The following NFIB variants were observed in gnomAD, a reference collection of about 807,000 sequenced individuals.
The protein encoded by NFIB is nuclear factor I B.
NFIB carries 11 observed loss-of-function variants against 61.5 expected under a neutral mutation model. The ratio of observed to expected loss-of-function variants is 0.18; its 90% CI spans 0.11 to 0.30. The LOEUF is 0.30. NFIB is among the 10% of genes least tolerant of loss of function. The pLI is 1.00. For synonymous variants in NFIB, 260 were observed against 216.5 expected (o/e 1.20, Z -1.76); for missense variants, 471 against 608.9 (o/e 0.77, Z 2.38).
intron 6 of NFIB, among the ~76,000 whole-genome samples, chr9:14,133,521 T>C (rs1313848367): frequency 1.3e-5 from 2 of 152,110 alleles, no homozygotes; most frequent in African/African-American, 4.8e-5. Context: ...AATCTGACAT[T>C]TTTACTTCAG....
the NFIB span, among the ~76,000 whole-genome samples, chr9:14,406,714 T>A: frequency 6.6e-6 from 1 of 152,206 alleles, no homozygotes; most frequent in Non-Finnish European, 1.5e-5. Context: ...CGGAGGCTGC[T>A]TCCAGTCTTG....
chr9:14,222,564 A>G (rs1156955724), intron 2 of NFIB, among the ~76,000 whole-genome samples: 1 of 152,124 alleles, frequency 6.6e-6, no homozygotes, highest in Admixed American at 6.6e-5. Flanking sequence ...GCACTTTGGG[A>G]GGCCAAAATG....
chr9:14,420,946 T>G, the NFIB span, among the ~76,000 whole-genome samples: 1 of 152,066 alleles, frequency 6.6e-6, no homozygotes, highest in African/African-American at 2.4e-5. Context: ...CCACTGAGAG[T>G]AAGCCATTTT....
intron 10 of NFIB, among the ~76,000 whole-genome samples, chr9:14,093,881 A>G (rs1236103063): frequency 6.6e-6 from 1 of 152,116 alleles, no homozygotes; most frequent in Non-Finnish European, 1.5e-5. Context: ...AGTTGAATCT[A>G]TTTATGTATT....
intron 6 of NFIB, among the ~76,000 whole-genome samples, chr9:14,136,372 T>G (rs1262324624): frequency 1.3e-5 from 2 of 152,142 alleles, no homozygotes; most frequent in African/African-American, 4.8e-5. Flanking sequence ...CTATTCACCA[T>G]GCCTCTCGGG....
At chr9:14,170,648 G>A (rs2045466858) in intron 3 of NFIB, among the ~76,000 whole-genome samples, 1 of 152,020 alleles carries the variant, frequency 6.6e-6, no homozygotes, top group African/African-American at 2.4e-5. Context: ...CTCGGGGAGA[G>A]GGGGAGTTAC....
Position 14,313,378 on chromosome 9 carries a change from G to A in NFIB, c.30+104C>T. ...CTCCGGGCCACTTCTCCAAGGGACG[G>A]GGATGTGCGGAGGTTAACTCAAGCC... On this transcript the variant is annotated intron_variant, in intron 1 of 10. Transcript: ENST00000380953. This position sits in a 1 kb window ranked among gnomAD's most constrained non-coding sequence, Gnocchi z 4.5. The A allele has an allele frequency of 3.3e-6, 5 of 1,530,790 alleles. No homozygotes were observed. Among genetic ancestry groups the A allele is most frequent in the Middle Eastern group, 1.7e-4 (1 of 5,848 alleles). The allele number at this position is 1,530,790 out of a possible 1,614,324, so 94.8% of individuals were successfully genotyped here. A position where few individuals can be genotyped will look rare whatever the true frequency, so the allele number is the denominator to read the frequency against.
intron 6 of NFIB, among the ~76,000 whole-genome samples, chr9:14,145,228 C>G (rs2042158308): frequency 6.6e-6 from 1 of 152,072 alleles, no homozygotes; most frequent in South Asian, 2.1e-4. Context: ...TGCACTGTGT[C>G]CAGCCACATG....
chr9:14,308,681 C>T (rs549443100), intron 1 of NFIB, among the ~76,000 whole-genome samples: 1 of 151,290 alleles, frequency 6.6e-6, no homozygotes, highest in African/African-American at 2.4e-5. Context: ...TCAGTTAGAA[C>T]TGTGGGTGCA....
At chr9:14,456,439 T>C in the NFIB span, among the ~76,000 whole-genome samples, 1 of 152,138 alleles carries the variant, frequency 6.6e-6, no homozygotes, top group Non-Finnish European at 1.5e-5. Context: ...TCAACTTATA[T>C]AGACATATAA....
At chr9:14,224,976 C>CA (rs1008367401) in intron 2 of NFIB, among the ~76,000 whole-genome samples, 3 of 152,114 alleles carry the variant, frequency 2.0e-5, no homozygotes, top group African/African-American at 7.2e-5. Context: ...GTATACATTA[C>CA]AATATTGTTA....
In NFIB at chr9:14,085,865, T is replaced by C. The variant is rs2032794149; in HGVS notation, c.*2444A>G. On this transcript the variant is annotated 3_prime_UTR_variant, in exon 11 of 11. Coordinates refer to ENST00000380953, the MANE Select transcript of NFIB (RefSeq NM_001190737.2). ...TTCTAGGAGAAAGAATATTCATGTG[T>C]TAAACTCTCAAAAGTGTTAAACATC... The C allele has an allele frequency of 3.1e-5, 7 of 223,904 alleles. No homozygotes were observed. The Admixed American group carries it at 4.0e-4, about 13-fold the overall frequency. 13.9% of individuals were successfully genotyped at this position (223,904 alleles called of 1,614,324 possible). A position where few individuals can be genotyped will look rare whatever the true frequency, so the allele number is the denominator to read the frequency against.
rs148929053 is a variant in NFIB, at chr9:14,388,773, A to T, written c.108+9751T>A. Among the ~76,000 whole-genome samples the T allele has an allele frequency of 1.1e-3, 169 of 151,242 alleles. 1 individual carries two copies. The highest frequency in any genetic ancestry group is 4.1e-3 in the African/African-American group (166 of 40,556). On this transcript the variant is annotated intron_variant, in intron 1 of 8. Coordinates refer to the NFIB transcript ENST00000380934. ...TGTATTTCTTAAAAAATAAAAATAA[A>T]ACAAATGTGGCAATAAGTTTATGTG...
chr9:14,272,791 C>A (rs1422477448), intron 2 of NFIB, among the ~76,000 whole-genome samples: 1 of 150,604 alleles, frequency 6.6e-6, no homozygotes, highest in Non-Finnish European at 1.5e-5. Flanking sequence ...ATTTTTAAAT[C>A]CTTTGAGGTT....
chr9:14,463,151 ATT>A, the NFIB span, among the ~76,000 whole-genome samples: 1 of 10,576 alleles, frequency 9.5e-5, no homozygotes, highest in African/African-American at 4.3e-4. Context: ...AATTATTTTG[ATT>A]GTTTTATTAA....
chr9:14,498,029 A>G, the NFIB span, among the ~76,000 whole-genome samples: 1 of 152,158 alleles, frequency 6.6e-6, no homozygotes, highest in Non-Finnish European at 1.5e-5. Context: ...TTGTTTTTGT[A>G]TTAAGCTCAT....
intron 1 of NFIB, among the ~76,000 whole-genome samples, chr9:14,338,292 G>T (rs1366151402): frequency 6.6e-6 from 1 of 152,174 alleles, no homozygotes; most frequent in Non-Finnish European, 1.5e-5. Flanking sequence ...TACTCGGGAG[G>T]CTGAGGCAGG....
At chr9:14,371,269 G>GTT in intron 1 of NFIB, among the ~76,000 whole-genome samples, 1 of 152,176 alleles carries the variant, frequency 6.6e-6, no homozygotes, top group African/African-American at 2.4e-5. Context: ...CTTTGGACAT[G>GTT]AGGTTTTACT....
chr9:14,419,330 A>C, the NFIB span, among the ~76,000 whole-genome samples: 1 of 151,200 alleles, frequency 6.6e-6, no homozygotes, highest in African/African-American at 2.4e-5. Context: ...CATAGCACTG[A>C]ATGAAAAGCA....
Sources: gnomAD v4.1 joint callset for allele counts (sites outside exome capture counted in the v4.1 genomes callset) on GRCh38, gnomAD v4.1.1 for gene constraint, Gnocchi (gnomAD v3.1) non-coding constraint, MANE v1.5 for transcripts, NCBI Gene and HGNC (gene_info 2026-07-23, HGNC 2026-07-21) for gene names.